Variants in SORCS1 observed in about 807,000 individuals in gnomAD.
The protein encoded by SORCS1 is VPS10 domain-containing receptor SorCS1.
Under a neutral mutation model 146.1 loss-of-function variants are expected in SORCS1, and 60 were observed. The observed-to-expected ratio is 0.41, with a 90% CI of 0.33 to 0.51. The LOEUF is 0.51. Among genes scored for constraint, SORCS1 ranks in the 20% least tolerant of loss-of-function variants. The pLI is 0.21. For missense variants in SORCS1, 1,352 were observed against 1,487.6 expected, an observed-to-expected ratio of 0.91 and a Z score of 1.50; for synonymous variants, 637 against 584.0, an observed-to-expected ratio of 1.09 and a Z score of -1.31.
Position 106,612,038 on chromosome 10 carries a change from G to A in SORCS1, c.2921-15C>T. 3.2e-6 allele frequency: 5 copies of A among 1,577,632 alleles called. No homozygotes were observed. The highest frequency in any genetic ancestry group is 2.2e-5 in the East Asian group (1 of 44,662). On this transcript the variant is annotated splice_polypyrimidine_tract_variant and intron_variant, in intron 21 of 25. Coordinates refer to ENST00000263054, the MANE Select transcript of SORCS1 (RefSeq NM_052918.5). ...CCGGAATTCCTCTGGGGATATAACA[G>A]TAGATGGAGTACTATAAGTCAAATA...
intron 10 of SORCS1, among the ~76,000 whole-genome samples, chr10:106,680,688 T>C (rs1312637434): frequency 6.6e-6 from 1 of 152,188 alleles, no homozygotes; most frequent in Non-Finnish European, 1.5e-5. Context: ...TGTACTGAGT[T>C]GTCAAAAAAT....
intron 1 of SORCS1, among the ~76,000 whole-genome samples, chr10:107,011,787 C>T (rs1164789332): frequency 1.3e-5 from 2 of 152,146 alleles, no homozygotes; most frequent in African/African-American, 4.8e-5. Context: ...TCTCTATCCC[C>T]AGGCTGTTTT....
At chr10:106,580,064 A>G (rs564828357) in intron 24 of SORCS1, among the ~76,000 whole-genome samples, 1 of 152,262 alleles carries the variant, frequency 6.6e-6, no homozygotes, top group Non-Finnish European at 1.5e-5. Flanking sequence ...CCACCCCGTC[A>G]CCCCTACTCC....
intron 6 of SORCS1, among the ~76,000 whole-genome samples, chr10:106,715,458 A>C (rs192862398): frequency 6.2e-4 from 94 of 152,328 alleles, no homozygotes; most frequent in African/African-American, 2.2e-3. Flanking sequence ...GTAGGCTTTG[A>C]ACAGAGGATC....
chr10:107,016,983 T>C (rs2139802289), intron 1 of SORCS1, among the ~76,000 whole-genome samples: 1 of 152,300 alleles, frequency 6.6e-6, no homozygotes, highest in East Asian at 1.9e-4. Context: ...CTAATTAGAC[T>C]AGCAAAGAAT....
At chr10:107,035,280 A>AC (rs1958857143) in intron 1 of SORCS1, among the ~76,000 whole-genome samples, 5 of 51,186 alleles carry the variant, frequency 9.8e-5, no homozygotes, top group Middle Eastern at 7.8e-3. Context: ...AAAAAACAAC[A>AC]AAAAAAAAAA....
At chr10:106,916,505 AC>A (rs1000239754) in intron 2 of SORCS1, among the ~76,000 whole-genome samples, 65 of 148,148 alleles carry the variant, frequency 4.4e-4, no homozygotes, top group African/African-American at 1.3e-3. Context: ...ATAATTATGT[AC>A]ATAATTATGT....
At chr10:106,979,589 C>CAA (rs748930225) in intron 1 of SORCS1, among the ~76,000 whole-genome samples, 5 of 147,624 alleles carry the variant, frequency 3.4e-5, no homozygotes, top group African/African-American at 5.0e-5. Context: ...AAACAAAAAA[C>CAA]AAAAAAAAAA....
rs35691571 is a variant in SORCS1, at chr10:106,751,058, CAAAAAAAAAAAAAAA to C, written c.959+10515_959+10529del. ...TGGGCGACAGGGTGAGACTCCGTCT[CAAAAAAAAAAAAAAA>C]AAAAAAAAAAAAAAAAAAAAATGCG... On this transcript the variant is annotated intron_variant, in intron 5 of 25. Transcript: ENST00000263054. Among the ~76,000 whole-genome samples the C allele has an allele frequency of 4.1e-3, 91 of 22,438 alleles. 2 individuals are homozygous for C. The highest frequency in any genetic ancestry group is 7.8e-3 in the East Asian group (10 of 1,286). The allele number at this position is 22,438 out of a possible 152,430, so 14.7% of individuals were successfully genotyped here.
At chr10:106,713,325 A>G (rs1290662372) in intron 6 of SORCS1, among the ~76,000 whole-genome samples, 1 of 152,192 alleles carries the variant, frequency 6.6e-6, no homozygotes, top group African/African-American at 2.4e-5. Context: ...GGAGGTCTTG[A>G]CCTTCAAATT....
At chr10:106,813,128 C>CTTTTTTTTTTTTTTTTT (rs71025557) in intron 3 of SORCS1, among the ~76,000 whole-genome samples, 10 of 98,738 alleles carry the variant, frequency 1.0e-4, no homozygotes, top group Non-Finnish European at 1.2e-4. Context: ...CTTCTCTTTT[C>CTTTTTTTTTTTTTTTTT]TTTTTTTTTT....
At chr10:106,887,807 A>T (rs74152257) in intron 2 of SORCS1, among the ~76,000 whole-genome samples, 6,275 of 152,234 alleles carry the variant, frequency 0.041, 422 homozygotes, top group African/African-American at 0.14. Context: ...TTATTTTTTC[A>T]TTACAAATAC....
At chr10:107,072,102 G>A (rs944629882) in intron 1 of SORCS1, among the ~76,000 whole-genome samples, 3 of 152,224 alleles carry the variant, frequency 2.0e-5, no homozygotes, top group African/African-American at 7.2e-5. Flanking sequence ...CTGCCCAAGT[G>A]AAGATGCGTT....
chr10:106,830,879 G>A (rs972004414), intron 2 of SORCS1, among the ~76,000 whole-genome samples: 4 of 150,966 alleles, frequency 2.6e-5, no homozygotes, highest in South Asian at 2.1e-4. Context: ...CTGGACCACA[G>A]AGCAAGACTC....
At chr10:106,737,255 G>T (rs796334401) in intron 5 of SORCS1, among the ~76,000 whole-genome samples, 11 of 152,260 alleles carry the variant, frequency 7.2e-5, no homozygotes, top group African/African-American at 2.6e-4. Context: ...ACATCACAAT[G>T]ACCAGACCTA....
intron 1 of SORCS1, among the ~76,000 whole-genome samples, chr10:107,020,002 T>A (rs192955891): frequency 2.1e-4 from 32 of 152,308 alleles, no homozygotes; most frequent in Non-Finnish European, 1.0e-4. Context: ...TCATTAAACA[T>A]ATGGACCTAA....
rs1958023728 is a variant in SORCS1, at chr10:107,019,140, T to C, written c.559-62560A>G. 2.0e-5 allele frequency among the ~76,000 whole-genome samples: 3 copies of C among 152,230 alleles called. No homozygotes were observed. In the South Asian group the frequency reaches 6.2e-4, roughly 32 times the overall value. Reference sequence around the variant, plus strand: ...TCCTAAGCATCACATAAATATATGATGCAGACTAGTGGGTAAACTGTATTT... The same window carrying C: ...TCCTAAGCATCACATAAATATATGACGCAGACTAGTGGGTAAACTGTATTT... On this transcript the variant is annotated intron_variant, in intron 1 of 25. Transcript: ENST00000263054.
chr10:106,968,491 T>C (rs944100932), intron 1 of SORCS1, among the ~76,000 whole-genome samples: 2 of 152,262 alleles, frequency 1.3e-5, no homozygotes, highest in African/African-American at 4.8e-5. Flanking sequence ...TCTGTTCCTA[T>C]GCCTTTATAT....
At chr10:106,712,437 G>A (rs767937684) in intron 6 of SORCS1, among the ~76,000 whole-genome samples, 7 of 152,058 alleles carry the variant, frequency 4.6e-5, no homozygotes, top group African/African-American at 7.2e-5. Context: ...ATAAGAACTC[G>A]GATAAAACAA....
Sources: allele counts gnomAD v4.1 joint callset (sites outside exome capture counted in the v4.1 genomes callset), GRCh38; gene constraint gnomAD v4.1.1; transcripts MANE v1.5; gene names NCBI Gene and HGNC (gene_info 2026-07-23, HGNC 2026-07-21).